COPG2: variants seen among roughly 807,000 people sequenced by gnomAD.
The protein encoded by COPG2 is coat protein complex I subunit gamma 2, also known as coatomer subunit gamma-2.
In COPG2, 37 loss-of-function variants were observed where a neutral mutation model predicts 46.3. The observed-to-expected ratio is 0.80, with a 90% CI of 0.61 to 1.05. COPG2 has a LOEUF of 1.05. Among genes scored for constraint, COPG2 ranks in the 50% least tolerant of loss-of-function variants. The probability of loss-of-function intolerance (pLI) is 0.00; values close to 1 mark genes in which losing one functional copy is unlikely to be tolerated. For missense variants in COPG2, 427 were observed against 387.8 expected, an observed-to-expected ratio of 1.10 and a Z score of -0.85; for synonymous variants, 159 against 129.7, an observed-to-expected ratio of 1.23 and a Z score of -1.53.
chr7:130,627,476 T>C (rs1435778098), intron 5 of COPG2, among the ~76,000 whole-genome samples: 1 of 152,108 alleles, frequency 6.6e-6, no homozygotes, highest in African/African-American at 2.4e-5. Context: ...TCCTATAAAA[T>C]CCCAGGCAAG....
chr7:130,513,341 A>ATATGTGTGTG (rs1215646008), intron 20 of COPG2, among the ~76,000 whole-genome samples: 4 of 51,548 alleles, frequency 7.8e-5, no homozygotes, highest in Admixed American at 2.5e-4. Flanking sequence ...ATATATATAT[A>ATATGTGTGTG]TGTGTGTGTG....
Position 130,508,570 on chromosome 7 carries a change from C to G in COPG2, c.2239G>C (p.Glu747Gln). 1.3e-6 allele frequency: 1 copy of G among 775,746 alleles called. No individual in the cohort carries two copies. The highest frequency in any genetic ancestry group is 2.4e-6 in the Non-Finnish European group (1 of 415,920). 48.1% of individuals were successfully genotyped at this position (775,746 alleles called of 1,614,324 possible). The change falls in exon 21 of 24, where the codon GAG becomes CAG. Residue 747 changes from glutamate to glutamine, a missense_variant. Glu to Gln is a conservative substitution (Grantham distance 29). Transcript: ENST00000425248. ...GVPDEDGYDD[E>Q]YVLEDLEVTV... is the part of the protein sequence containing the mutation. ...ATGCTGGGAAGACTCACCACATACT[C>G]ATCATCATACCCATCCTCATCTGGA...
At chr7:130,568,829 A>G (rs1166461619) in intron 9 of COPG2, among the ~76,000 whole-genome samples, 1 of 152,218 alleles carries the variant, frequency 6.6e-6, no homozygotes, top group Non-Finnish European at 1.5e-5. Flanking sequence ...AAGTCTCAAT[A>G]AATTTAAGAA....
intron 20 of COPG2, among the ~76,000 whole-genome samples, chr7:130,522,409 GT>G (rs1173477872): frequency 6.6e-6 from 1 of 152,176 alleles, no homozygotes; most frequent in African/African-American, 2.4e-5. Context: ...CTGTGTCACA[GT>G]ATGTAAACTT....
chr7:130,576,727 A>T (rs1794005044), intron 9 of COPG2, among the ~76,000 whole-genome samples: 2 of 152,170 alleles, frequency 1.3e-5, no homozygotes, highest in Admixed American at 1.3e-4. Flanking sequence ...ACCCAAACCT[A>T]AACCTAGCAG....
At chr7:130,509,872 G>GA (rs1554440807) in intron 20 of COPG2, 1 of 491,450 alleles carries the variant, frequency 2.0e-6, no homozygotes, top group Non-Finnish European at 4.1e-6. Flanking sequence ...TAAAAAATGT[G>GA]AAACGATATA....
At chr7:130,533,800 G>T in intron 20 of COPG2, among the ~76,000 whole-genome samples, 1 of 152,152 alleles carries the variant, frequency 6.6e-6, no homozygotes, top group East Asian at 1.9e-4. Flanking sequence ...CCAATCAGAG[G>T]GTTTCATAAA....
At chr7:130,594,833 G>A (rs1554449518) in intron 9 of COPG2, among the ~76,000 whole-genome samples, 3 of 152,136 alleles carry the variant, frequency 2.0e-5, no homozygotes, top group African/African-American at 7.2e-5. Context: ...TACACCTACT[G>A]GGGTGGGTAT....
intron 19 of COPG2, 141 bp downstream of exon 19, chr7:130,548,262 C>T: frequency 2.5e-6 from 1 of 396,078 alleles, no homozygotes; most frequent in Non-Finnish European, 4.4e-6. Context: ...ATCTCTATAG[C>T]TCTGGTGTTA....
rs547828357 is a variant in COPG2 at position 130,606,280 on chromosome 7, AAAAG to A, written c.737+4669_737+4672del. Among the ~76,000 whole-genome samples the A allele has an allele frequency of 8.6e-5, 13 of 151,770 alleles. No individual in the cohort carries two copies. In the South Asian group the frequency reaches 1.0e-3, roughly 12 times the overall value. Reference sequence around the variant, plus strand: ...AGAGAAAGAAAGAGAAAGAGAAAGAAAAAGAAAGAGAGAGAGAAAGAAAAGAAAG... The same window carrying A: ...AGAGAAAGAAAGAGAAAGAGAAAGAAAAAGAGAGAGAGAAAGAAAAGAAAG... On this transcript the variant is annotated intron_variant, in intron 9 of 23. Transcript: ENST00000425248.
chr7:130,607,450 G>T (rs569997747), intron 9 of COPG2: 25 of 443,634 alleles, frequency 5.6e-5, no homozygotes, highest in South Asian at 3.7e-4. Context: ...ATTAAACATT[G>T]TAATGATATA....
In COPG2 at chr7:130,612,151, C is replaced by T. The variant is rs782385926; in HGVS notation, c.579+1G>A. The T allele has an allele frequency of 4.8e-5, 76 of 1,599,482 alleles. No homozygotes were observed. Among genetic ancestry groups the T allele is most frequent in the Non-Finnish European group, 6.4e-5 (75 of 1,168,274 alleles). Reference sequence around the variant, plus strand: ...AAGCTAATGTGATTCAATGACAATACCTGGACCATAATATTATCACTTGAT... The same window carrying T: ...AAGCTAATGTGATTCAATGACAATATCTGGACCATAATATTATCACTTGAT... On this transcript the variant is annotated splice_donor_variant, in intron 8 of 23. Coordinates refer to ENST00000425248, the MANE Select transcript of COPG2 (RefSeq NM_012133.6). LOFTEE classifies it high-confidence loss of function.
At chr7:130,601,129 G>A (rs977399610) in intron 9 of COPG2, among the ~76,000 whole-genome samples, 3 of 152,228 alleles carry the variant, frequency 2.0e-5, no homozygotes, top group East Asian at 1.9e-4. Context: ...ACCATCTCAC[G>A]GCACTCAGAA....
At chr7:130,606,436 TA>T (rs1554451272) in intron 9 of COPG2, among the ~76,000 whole-genome samples, 1 of 152,134 alleles carries the variant, frequency 6.6e-6, no homozygotes, top group East Asian at 1.9e-4. Flanking sequence ...AATTTGGACT[TA>T]AAAGATGCTG....
intron 9 of COPG2, among the ~76,000 whole-genome samples, chr7:130,582,891 CGTT>C (rs1183357047): frequency 2.0e-5 from 3 of 151,496 alleles, no homozygotes; most frequent in African/African-American, 7.3e-5. Flanking sequence ...CACTTTTACA[CGTT>C]GGTGGGACTG....
intron 10 of COPG2, 123 bp downstream of exon 10, chr7:130,564,137 C>T (rs1793763997): frequency 7.6e-6 from 3 of 396,778 alleles, no homozygotes; most frequent in Non-Finnish European, 1.3e-5. Flanking sequence ...TATCAGAATG[C>T]AAAGGCTATA....
chr7:130,523,764 T>A (rs1799748272), intron 20 of COPG2, among the ~76,000 whole-genome samples: 1 of 143,698 alleles, frequency 7.0e-6, no homozygotes, highest in African/African-American at 2.6e-5. Context: ...GAGCAGGGGA[T>A]CTGTTGTCAC....
chr7:130,548,022 T>G (rs1361222052), intron 19 of COPG2, among the ~76,000 whole-genome samples, 177 bp from the exon 20 acceptor site: 1 of 152,216 alleles, frequency 6.6e-6, no homozygotes, highest in Non-Finnish European at 1.5e-5. Context: ...GTCTTTTGTT[T>G]ATATTATTCA....
chr7:130,541,088 TG>T (rs1207176130), intron 20 of COPG2, among the ~76,000 whole-genome samples: 2 of 151,714 alleles, frequency 1.3e-5, no homozygotes, highest in Admixed American at 6.6e-5. Flanking sequence ...GCACGTGCAG[TG>T]GGGCTGATGG....
Sources: allele counts gnomAD v4.1 joint callset (sites outside exome capture counted in the v4.1 genomes callset), GRCh38; gene constraint gnomAD v4.1.1; transcripts MANE v1.5; gene names NCBI Gene and HGNC (gene_info 2026-07-23, HGNC 2026-07-21).